The following GAPVD1 variants were observed in gnomAD, a reference collection of about 807,000 sequenced individuals.
GAPVD1 encodes the protein GTPase-activating protein and VPS9 domain-containing protein 1.
In GAPVD1, 35 loss-of-function variants were observed where a neutral mutation model predicts 155.5. The ratio of observed to expected loss-of-function variants is 0.23; its 90% CI spans 0.17 to 0.30. The LOEUF is 0.30. Among genes scored for constraint, GAPVD1 ranks in the 10% least tolerant of loss-of-function variants. GAPVD1 has a pLI of 1.00. For missense variants in GAPVD1, 1,429 were observed against 1,775.7 expected (o/e 0.80, Z 3.51); for synonymous variants, 636 against 619.7 (o/e 1.03, Z -0.39).
chr9:125,272,364 C>T (rs1835057724), intron 2 of GAPVD1, among the ~76,000 whole-genome samples: 1 of 152,162 alleles, frequency 6.6e-6, no homozygotes, highest in African/African-American at 2.4e-5. Flanking sequence ...TTCATCTTTA[C>T]TAACTCCTTT....
chr9:125,293,870 A>ATAAATATATTT (rs1839258124), intron 2 of GAPVD1, among the ~76,000 whole-genome samples: 5 of 21,008 alleles, frequency 2.4e-4, no homozygotes, highest in Admixed American at 2.2e-3. Flanking sequence ...ATATATATAT[A>ATAAATATATTT]TATATATATA....
chr9:125,287,690 A>G (rs1308413859), intron 2 of GAPVD1: 1 of 152,096 alleles, frequency 6.6e-6, no homozygotes, highest in Non-Finnish European at 1.5e-5. Context: ...ATTGTGAGCA[A>G]CTTTGTACCT....
intron 9 of GAPVD1, among the ~76,000 whole-genome samples, chr9:125,314,930 G>A (rs1359435721): frequency 6.6e-6 from 1 of 151,668 alleles, no homozygotes; most frequent in Admixed American, 6.6e-5. Flanking sequence ...TGGGACTACA[G>A]GCGCCCGCCA....
intron 25 of GAPVD1, 146 bp from the exon 26 acceptor site, chr9:125,359,274 G>A: frequency 1.6e-6 from 1 of 644,388 alleles, no homozygotes; most frequent in East Asian, 2.7e-5. Context: ...TTATCTAAGA[G>A]GCTCAACTCT....
intron 9 of GAPVD1, among the ~76,000 whole-genome samples, chr9:125,314,674 C>CA (rs1195742192): frequency 2.0e-5 from 3 of 150,636 alleles, no homozygotes; most frequent in Non-Finnish European, 4.4e-5. Flanking sequence ...CAAAACAAAA[C>CA]AAAAAACAGA....
At chr9:125,361,879 C>G (rs570562864) in intron 27 of GAPVD1, among the ~76,000 whole-genome samples, 1 of 152,316 alleles carries the variant, frequency 6.6e-6, no homozygotes, top group East Asian at 1.9e-4. Flanking sequence ...CTCAGCCCAG[C>G]TGTTGCTGTC....
At chr9:125,345,250 A>T (rs977434464) in intron 19 of GAPVD1, among the ~76,000 whole-genome samples, 54 of 149,264 alleles carry the variant, frequency 3.6e-4, no homozygotes, top group Middle Eastern at 6.9e-3. Context: ...GCGCGATCTC[A>T]GCTCACTGCA....
At chr9:125,319,750 C>T (rs957989909) in intron 9 of GAPVD1, among the ~76,000 whole-genome samples, 1 of 151,954 alleles carries the variant, frequency 6.6e-6, no homozygotes, top group African/African-American at 2.4e-5. Flanking sequence ...TACAGGCGTA[C>T]ACCACCACAC....
intron 9 of GAPVD1, among the ~76,000 whole-genome samples, chr9:125,313,249 T>C (rs1196484194): frequency 6.6e-6 from 1 of 152,030 alleles, no homozygotes; most frequent in Non-Finnish European, 1.5e-5. Context: ...ATACAGATTT[T>C]GGGGGAGCAC....
At position 125,342,307 on chromosome 9, in the gene GAPVD1, G is replaced by T. The variant is rs564213673; in HGVS notation, c.3046+8G>T. On this transcript the variant is annotated splice_region_variant and intron_variant, in intron 19 of 27. Coordinates refer to ENST00000297933, the MANE Select transcript of GAPVD1 (RefSeq NM_001282680.3). ...GATTCTCAACACTCACAGGTTTGTA[G>T]ACCCATGGACTTCCTGGCTCCTTCA... 3 of 1,468,508 alleles carry T rather than the reference G, an allele frequency of 2.0e-6. No homozygotes were observed. Among genetic ancestry groups the T allele is most frequent in the Admixed American group, 3.4e-5 (2 of 59,266 alleles). The allele number at this position is 1,468,508 out of a possible 1,614,324, so 91.0% of individuals were successfully genotyped here.
chr9:125,316,585 C>A (rs1387263254), intron 9 of GAPVD1, among the ~76,000 whole-genome samples: 2 of 152,198 alleles, frequency 1.3e-5, no homozygotes, highest in Non-Finnish European at 2.9e-5. Flanking sequence ...TTTTTTATGG[C>A]TGCATAGTAT....
At chr9:125,317,036 T>A (rs1358591147) in intron 9 of GAPVD1, among the ~76,000 whole-genome samples, 1 of 152,134 alleles carries the variant, frequency 6.6e-6, no homozygotes, top group Non-Finnish European at 1.5e-5. Context: ...ATGTCCTTGA[T>A]GGGCCAGGCG....
intron 2 of GAPVD1, among the ~76,000 whole-genome samples, chr9:125,270,943 C>G (rs571313412): frequency 6.6e-6 from 1 of 152,092 alleles, no homozygotes; most frequent in East Asian, 1.9e-4. Flanking sequence ...GAGCGAAACT[C>G]CATCTCAAAA....
chr9:125,354,705 G>T lies in GAPVD1; in HGVS notation c.3621G>T (p.Gln1207His), dbSNP rs376081262. 8 of 1,613,786 alleles carry T rather than the reference G, an allele frequency of 5.0e-6. No homozygotes were observed. The highest frequency in any genetic ancestry group is 6.8e-6 in the Non-Finnish European group (8 of 1,179,686). Residue 1207 changes from glutamine (Q) to histidine (H), a missense_variant, in exon 24 of 28, where the codon CAG (glutamine) becomes CAT (histidine). By Grantham distance (24) the Gln-to-His change is conservative. Around this residue, in one of 4 missense-constraint regions of GAPVD1, gnomAD observed 699 missense variants for 826.0 expected, o/e 0.85. Coordinates refer to ENST00000297933, the MANE Select transcript of GAPVD1 (RefSeq NM_001282680.3). ...TCACTCGTTGTCGACAAGGACTACA[G>T]ACCACACAGGCTCACCTGGAAAGGC... ...AYLTRCRQGL[Q>H]TTQAHLERLL...
intron 1 of GAPVD1, among the ~76,000 whole-genome samples, chr9:125,266,934 G>A (rs924588996): frequency 2.0e-5 from 3 of 151,548 alleles, no homozygotes; most frequent in Non-Finnish European, 4.4e-5. Context: ...CTAATTTTTT[G>A]TATTTTTAGT....
At chr9:125,322,009 A>G (rs1844391638) in intron 10 of GAPVD1, among the ~76,000 whole-genome samples, 1 of 152,206 alleles carries the variant, frequency 6.6e-6, no homozygotes. Context: ...AATAGGTATT[A>G]AAAAGAAAAT....
rs764495784 is a variant in GAPVD1 at position 125,337,370 on chromosome 9, G to A, written c.2656G>A (p.Ala886Thr). Reference sequence around the variant, plus strand: ...TGTTTTAACTCCAGCTGAAATGGAGGCATTCAAGCAAAGGCATTCTTACCC... The same window carrying A: ...TGTTTTAACTCCAGCTGAAATGGAGACATTCAAGCAAAGGCATTCTTACCC... ...SHVLTPAEMEAFKQRHSYPER... is the reference protein window; with the variant it reads ...SHVLTPAEMETFKQRHSYPER... The change falls in exon 17 of 28, where the codon GCA (alanine) becomes ACA (threonine). Residue 886 changes from alanine (A) to threonine (T), a missense_variant. Ala to Thr is a moderately conservative substitution (Grantham distance 58). Transcript: ENST00000297933. 4 of 1,614,126 alleles carry A rather than the reference G, an allele frequency of 2.5e-6. No individual in the cohort carries two copies. The highest frequency in any genetic ancestry group is 3.3e-5 in the Admixed American group (2 of 60,022).
intron 17 of GAPVD1, among the ~76,000 whole-genome samples, chr9:125,340,743 G>A (rs763556494): frequency 3.3e-5 from 5 of 152,014 alleles, no homozygotes; most frequent in Non-Finnish European, 7.3e-5. Flanking sequence ...ATGAGATAGT[G>A]CCTGCCCTCA....
chr9:125,315,134 A>G (rs549042587), intron 9 of GAPVD1, among the ~76,000 whole-genome samples: 1 of 152,238 alleles, frequency 6.6e-6, no homozygotes, highest in South Asian at 2.1e-4. Context: ...ATTCAAGAAA[A>G]TGGGCTAGAA....
Sources: gnomAD v4.1 joint callset for allele counts (sites outside exome capture counted in the v4.1 genomes callset) on GRCh38, gnomAD v4.1.1 for gene constraint, gnomAD v4.1.1 regional missense constraint, MANE v1.5 for transcripts, NCBI Gene and HGNC (gene_info 2026-07-23, HGNC 2026-07-21) for gene names.